Variants in SUCLG2 observed in about 807,000 individuals in gnomAD.
SUCLG2 encodes succinate-CoA ligase GDP-forming subunit beta, also known as succinate--CoA ligase [GDP-forming] subunit beta, mitochondrial.
In SUCLG2, 42 loss-of-function variants were observed where a neutral mutation model predicts 47.9. The ratio of observed to expected loss-of-function variants is 0.88; its 90% CI spans 0.69 to 1.14. SUCLG2 has a LOEUF of 1.14. SUCLG2 is among the 50% of genes most tolerant of loss of function. SUCLG2 has a pLI of 0.00. For missense variants in SUCLG2, 571 were observed against 525.9 expected, an observed-to-expected ratio of 1.09 and a Z score of -0.84; for synonymous variants, 195 against 197.3, an observed-to-expected ratio of 0.99 and a Z score of 0.10.
chr3:67,568,599 A>G (rs897571228), intron 2 of SUCLG2, among the ~76,000 whole-genome samples: 1 of 152,198 alleles, frequency 6.6e-6, no homozygotes, highest in African/African-American at 2.4e-5. Context: ...TTAAAAAATA[A>G]AGAGTGAGCC....
intron 10 of SUCLG2, among the ~76,000 whole-genome samples, chr3:67,388,597 CAA>C (rs1339202403): frequency 1.3e-5 from 2 of 152,124 alleles, no homozygotes; most frequent in African/African-American, 4.8e-5. Context: ...ATAGGTGAAA[CAA>C]TGCAGAAATT....
intron 6 of SUCLG2, among the ~76,000 whole-genome samples, chr3:67,512,304 C>A (rs1705814768): frequency 6.6e-6 from 1 of 150,616 alleles, no homozygotes; most frequent in Non-Finnish European, 1.5e-5. Context: ...TTTTTTAATC[C>A]AAATAAAATT....
At chr3:67,492,034 T>C (rs2107048914) in intron 9 of SUCLG2, among the ~76,000 whole-genome samples, 1 of 152,308 alleles carries the variant, frequency 6.6e-6, no homozygotes, top group East Asian at 1.9e-4. Flanking sequence ...CCTTCCATTC[T>C]TCAACTTGTC....
At chr3:67,583,415 C>T (rs1240971081) in intron 2 of SUCLG2, among the ~76,000 whole-genome samples, 1 of 152,204 alleles carries the variant, frequency 6.6e-6, no homozygotes, top group Non-Finnish European at 1.5e-5. Context: ...GAGCTCAAAA[C>T]CACTGCAGTT....
intron 9 of SUCLG2, among the ~76,000 whole-genome samples, chr3:67,466,601 G>A (rs1044332748): frequency 1.3e-5 from 2 of 152,188 alleles, no homozygotes; most frequent in African/African-American, 4.8e-5. Flanking sequence ...AAGCAGTCAT[G>A]CTATCAAGAT....
At chr3:67,410,338 A>T (rs1702906918) in intron 9 of SUCLG2, among the ~76,000 whole-genome samples, 1 of 152,180 alleles carries the variant, frequency 6.6e-6, no homozygotes, top group East Asian at 1.9e-4. Flanking sequence ...TTGTCAGCAG[A>T]CAGGGTAGTA....
intron 9 of SUCLG2, among the ~76,000 whole-genome samples, chr3:67,462,214 T>A (rs1704354235): frequency 6.6e-6 from 1 of 152,106 alleles, no homozygotes; most frequent in Non-Finnish European, 1.5e-5. Flanking sequence ...CACCTGCTCC[T>A]TTTTCTTCCC....
chr3:67,525,751 A>T (rs2107140418), intron 4 of SUCLG2, among the ~76,000 whole-genome samples: 1 of 152,354 alleles, frequency 6.6e-6, no homozygotes, highest in Middle Eastern at 3.4e-3. Flanking sequence ...GATACTAAAA[A>T]GGTATAATCC....
chr3:67,623,317 A>G (rs147575713), intron 1 of SUCLG2, among the ~76,000 whole-genome samples: 8,706 of 152,094 alleles, frequency 0.057, 344 homozygotes, highest in African/African-American at 0.11. Flanking sequence ...TGGCTAATAC[A>G]GTGAAACCCC....
At chr3:67,442,104 G>A (rs996737283) in intron 9 of SUCLG2, among the ~76,000 whole-genome samples, 1 of 143,498 alleles carries the variant, frequency 7.0e-6, no homozygotes, top group African/African-American at 2.6e-5. Context: ...TCCACCTCCC[G>A]GGTTCACGCC....
intron 2 of SUCLG2, among the ~76,000 whole-genome samples, chr3:67,560,472 C>T (rs1005162844): frequency 2.0e-5 from 3 of 152,132 alleles, no homozygotes; most frequent in Non-Finnish European, 4.4e-5. Flanking sequence ...TGGGTTCAAG[C>T]CCTGAGTCTG....
intron 2 of SUCLG2, among the ~76,000 whole-genome samples, chr3:67,576,383 C>G (rs1707742108): frequency 6.6e-6 from 1 of 150,922 alleles, no homozygotes; most frequent in African/African-American, 2.4e-5. Flanking sequence ...GGCCAGTAAA[C>G]AATTGGTCCA....
chr3:67,590,069 T>C (rs1355115814), intron 2 of SUCLG2, among the ~76,000 whole-genome samples: 3 of 152,170 alleles, frequency 2.0e-5, no homozygotes, highest in African/African-American at 7.2e-5. Context: ...TCTGGTCCTA[T>C]AAATGTTAGG....
At chr3:67,564,274 A>G (rs188253678) in intron 2 of SUCLG2, among the ~76,000 whole-genome samples, 3 of 152,240 alleles carry the variant, frequency 2.0e-5, no homozygotes, top group Non-Finnish European at 2.9e-5. Flanking sequence ...TCCAGCATAT[A>G]CACTTTGTTG....
At chr3:67,530,522 A>G (rs1207695120) in intron 2 of SUCLG2, among the ~76,000 whole-genome samples, 1 of 152,192 alleles carries the variant, frequency 6.6e-6, no homozygotes, top group East Asian at 1.9e-4. Context: ...GCAAGCAGGT[A>G]AAGGTTCAAA....
chr3:67,469,120 T>C (rs1006581848), intron 9 of SUCLG2, among the ~76,000 whole-genome samples: 3 of 152,114 alleles, frequency 2.0e-5, no homozygotes, highest in African/African-American at 7.2e-5. Flanking sequence ...GAGAAAAGAT[T>C]AGTAACCAAA....
intron 2 of SUCLG2, among the ~76,000 whole-genome samples, chr3:67,562,810 G>C (rs1050334078): frequency 4.6e-5 from 7 of 152,126 alleles, no homozygotes; most frequent in African/African-American, 1.7e-4. Flanking sequence ...TAAATGCTCA[G>C]TAGGTGGTAG....
intron 2 of SUCLG2, among the ~76,000 whole-genome samples, chr3:67,543,264 T>C (rs1706765614): frequency 1.3e-5 from 2 of 152,206 alleles, no homozygotes; most frequent in Non-Finnish European, 2.9e-5. Context: ...AAAATGCCCA[T>C]GCACAAACTA....
At position 67,560,220 on chromosome 3, in the gene SUCLG2, A is replaced by T. The variant is rs563019459; in HGVS notation, c.227-31034T>A. Among the ~76,000 whole-genome samples, 12 of 152,280 alleles carry T rather than the reference A, an allele frequency of 7.9e-5. No individual in the cohort carries two copies. In the South Asian group the frequency reaches 2.5e-3, roughly 32 times the overall value. On this transcript the variant is annotated intron_variant, in intron 2 of 10. Coordinates refer to ENST00000307227, the MANE Select transcript of SUCLG2 (RefSeq NM_003848.4). ...GTTGTTGAAGATGCAGTTAGCTAAA[A>T]TGGCATCATTAGGGTAGGCCATAAT...
Sources: gnomAD v4.1 joint callset for allele counts (sites outside exome capture counted in the v4.1 genomes callset) on GRCh38, gnomAD v4.1.1 for gene constraint, MANE v1.5 for transcripts, NCBI Gene and HGNC (gene_info 2026-07-23, HGNC 2026-07-21) for gene names.